Variants in CRISP3 observed in about 807,000 individuals in gnomAD.
The protein encoded by CRISP3 is cysteine rich secretory protein 3.
A neutral mutation model predicts 36.1 loss-of-function variants in CRISP3; 33 were observed. The observed-to-expected ratio is 0.91, with a 90% CI of 0.69 to 1.22. The LOEUF (loss-of-function observed/expected upper bound fraction) is 1.22, where lower values mean the gene tolerates loss of function less well. Ranked by LOEUF, CRISP3 falls within the 50% of genes most tolerant of loss-of-function variation. The probability of loss-of-function intolerance (pLI) is 0.00; values close to 1 mark genes in which losing one functional copy is unlikely to be tolerated. For missense variants in CRISP3, 330 were observed against 301.2 expected, an observed-to-expected ratio of 1.10 and a Z score of -0.71; for synonymous variants, 117 against 104.6, an observed-to-expected ratio of 1.12 and a Z score of -0.72.
chr6:49,737,534 G>T (rs1285221228), intron 1 of CRISP3, 136 bp from the exon 2 acceptor site: 6 of 862,406 alleles, frequency 7.0e-6, no homozygotes, highest in African/African-American at 1.7e-5. Flanking sequence ...GAGAAGACTT[G>T]TCACATGGAG....
intron 3 of CRISP3, 27 bp from the exon 4 acceptor site, chr6:49,735,618 C>A (rs781617338): frequency 6.4e-7 from 1 of 1,558,318 alleles, no homozygotes; most frequent in East Asian, 2.2e-5. Flanking sequence ...AAAAAGATAT[C>A]CACTTAATGT....
Position 49,728,647 on chromosome 6 carries a change from T to C in CRISP3, c.*83A>G. 8.6e-7 allele frequency: 1 copy of C among 1,161,490 alleles called. No homozygotes were observed. Among genetic ancestry groups the C allele is most frequent in the Non-Finnish European group, 1.2e-6 (1 of 868,966 alleles). The allele number at this position is 1,161,490 out of a possible 1,614,324, so 71.9% of individuals were successfully genotyped here. A position where few individuals can be genotyped will look rare whatever the true frequency, so the allele number is the denominator to read the frequency against. On this transcript the variant is annotated 3_prime_UTR_variant, in exon 8 of 8. Transcript: ENST00000263045. ...CATGCCTACAATTTCTCAGCTAGTA[T>C]ATGTTAAATCTAAGTAGATGCCAAA...
At chr6:49,733,950 A>G in intron 4 of CRISP3, 102 bp from the exon 5 acceptor site, 1 of 1,048,570 alleles carries the variant, frequency 9.5e-7, no homozygotes, top group South Asian at 1.5e-5. Flanking sequence ...CCTGTTTTTT[A>G]AATACAGTCC....
chr6:49,743,096 G>T (rs1014226289), intron 1 of CRISP3, among the ~76,000 whole-genome samples: 2 of 152,134 alleles, frequency 1.3e-5, no homozygotes, highest in Admixed American at 1.3e-4. Context: ...TGCAAAGTTT[G>T]CAAAACTGCT....
intron 7 of CRISP3, among the ~76,000 whole-genome samples, chr6:49,729,700 A>G (rs1057036433): frequency 2.0e-5 from 3 of 152,084 alleles, no homozygotes; most frequent in Non-Finnish European, 4.4e-5. Context: ...TCAATACTCA[A>G]CAATACCAGG....
intron 1 of CRISP3, among the ~76,000 whole-genome samples, chr6:49,738,832 C>T (rs753294607): frequency 6.6e-6 from 1 of 152,050 alleles, no homozygotes; most frequent in African/African-American, 2.4e-5. Context: ...GTCCCAGCAT[C>T]GCCCCACAAT....
chr6:49,731,699 TAA>T (rs3837035), intron 6 of CRISP3, among the ~76,000 whole-genome samples: 22 of 151,474 alleles, frequency 1.5e-4, no homozygotes, highest in African/African-American at 3.4e-4. Context: ...TAATTAAAAA[TAA>T]AAAAAAACCA....
intron 1 of CRISP3, among the ~76,000 whole-genome samples, chr6:49,739,916 C>T (rs1003610886): frequency 2.0e-5 from 3 of 152,138 alleles, no homozygotes; most frequent in Non-Finnish European, 4.4e-5. Context: ...ATGTGTAAGT[C>T]ACTGAGTCCT....
At chr6:49,736,731 T>C (rs887151756) in intron 2 of CRISP3, among the ~76,000 whole-genome samples, 5 of 152,262 alleles carry the variant, frequency 3.3e-5, no homozygotes, top group Admixed American at 2.6e-4. Context: ...TAAAATCTCC[T>C]CTGAGGCCAC....
At chr6:49,742,897 CA>C (rs1398423611) in intron 1 of CRISP3, among the ~76,000 whole-genome samples, 6 of 152,082 alleles carry the variant, frequency 3.9e-5, no homozygotes, top group African/African-American at 1.2e-4. Context: ...GAAAAGATGT[CA>C]AAAGCATTAA....
intron 1 of CRISP3, among the ~76,000 whole-genome samples, chr6:49,741,134 AAAC>A (rs1438426336): frequency 1.8e-5 from 1 of 56,624 alleles, no homozygotes; most frequent in African/African-American, 6.5e-5. Flanking sequence ...CAAAAAAAAC[AAAC>A]AAAAAAAAAC....
At position 49,733,304 on chromosome 6, in the gene CRISP3, T is replaced by G. The variant is rs79507519; in HGVS notation, c.463-12A>C. 3.0e-3 allele frequency: 4,642 copies of G among 1,534,300 alleles called. 76 individuals carry two copies. Among genetic ancestry groups the G allele is most frequent in the East Asian group, 0.018 (777 of 44,234 alleles). On this transcript the variant is annotated splice_polypyrimidine_tract_variant and intron_variant, in intron 5 of 7. Transcript: ENST00000263045. The stretch of plus-strand genomic sequence containing the variant: ...GAGTACCAAACAACCTATAAACCAA[T>G]AAGTGAAGATATGAGAGCACATTAG...
At position 49,728,057 on chromosome 6, in the gene CRISP3, T is replaced by A. The variant is rs889399576; in HGVS notation, c.*673A>T. 2.0e-5 allele frequency: 3 copies of A among 152,294 alleles called. No homozygotes were observed. Among genetic ancestry groups the A allele is most frequent in the Middle Eastern group, 3.4e-3 (1 of 294 alleles). The allele number at this position is 152,294 out of a possible 1,614,324, so 9.4% of individuals were successfully genotyped here. Reference sequence around the variant, plus strand: ...ACCTATATTATCTTGTATTCTTTTTTAAGGAAGTTTTGTCAAAGAGAAGAG... The same window carrying A: ...ACCTATATTATCTTGTATTCTTTTTAAAGGAAGTTTTGTCAAAGAGAAGAG... On this transcript the variant is annotated 3_prime_UTR_variant, in exon 8 of 8. Transcript: ENST00000263045.
chr6:49,739,691 G>T (rs985051987), intron 1 of CRISP3, among the ~76,000 whole-genome samples: 1 of 152,088 alleles, frequency 6.6e-6, no homozygotes, highest in African/African-American at 2.4e-5. Flanking sequence ...ACTGTAAATA[G>T]CAGGTGCAAG....
At chr6:49,737,047 A>G (rs1769072262) in intron 2 of CRISP3, among the ~76,000 whole-genome samples, 2 of 152,152 alleles carry the variant, frequency 1.3e-5, no homozygotes, top group Non-Finnish European at 2.9e-5. Flanking sequence ...GATCACTCAA[A>G]AGATAGTTTT....
At chr6:49,732,884 T>TA (rs1280956958) in intron 6 of CRISP3, among the ~76,000 whole-genome samples, 3 of 152,226 alleles carry the variant, frequency 2.0e-5, no homozygotes, top group African/African-American at 4.8e-5. Flanking sequence ...CATGAACTGA[T>TA]AAAATTATAT....
chr6:49,740,103 A>T (rs1769160660), intron 1 of CRISP3, among the ~76,000 whole-genome samples: 1 of 152,204 alleles, frequency 6.6e-6, no homozygotes, highest in Non-Finnish European at 1.5e-5. Flanking sequence ...TGTCTTTCTG[A>T]AGCATAAATG....
chr6:49,742,642 A>C (rs1346040732), intron 1 of CRISP3, among the ~76,000 whole-genome samples: 3 of 151,490 alleles, frequency 2.0e-5, no homozygotes, highest in African/African-American at 7.3e-5. Context: ...AAAAAAAAAA[A>C]AAAAAAAAAG....
At position 49,728,011 on chromosome 6, in the gene CRISP3, C is replaced by G. The variant is rs1768810324; in HGVS notation, c.*719G>C. The stretch of plus-strand genomic sequence containing the variant: ...CACAAGGGAGAGGACTGAGTTCTAC[C>G]TCCTTGAGTGGAGGGTATTTACCTA... On this transcript the variant is annotated 3_prime_UTR_variant, in exon 8 of 8. Coordinates refer to ENST00000263045, the MANE Select transcript of CRISP3 (RefSeq NM_006061.4). The G allele has an allele frequency of 6.6e-6, 1 of 152,094 alleles. No individual in the cohort carries two copies. The highest frequency in any genetic ancestry group is 6.6e-5 in the Admixed American group (1 of 15,258). The allele number at this position is 152,094 out of a possible 1,614,324, so 9.4% of individuals were successfully genotyped here. A position where few individuals can be genotyped will look rare whatever the true frequency, so the allele number is the denominator to read the frequency against.
Sources: allele counts gnomAD v4.1 joint callset (sites outside exome capture counted in the v4.1 genomes callset), GRCh38; gene constraint gnomAD v4.1.1; transcripts MANE v1.5; gene names NCBI Gene and HGNC (gene_info 2026-07-23, HGNC 2026-07-21).